Variants in NRG1 observed in about 807,000 individuals in gnomAD.
NRG1 encodes pro-neuregulin-1, membrane-bound isoform.
Under a neutral mutation model 63.8 loss-of-function variants are expected in NRG1, and 18 were observed. The observed-to-expected ratio is 0.28, with a 90% confidence interval of 0.19 to 0.42. The LOEUF (loss-of-function observed/expected upper bound fraction) is 0.42, where lower values mean the gene tolerates loss of function less well. NRG1 is among the 10% of genes least tolerant of loss of function. The pLI is 1.00. For missense variants in NRG1, 762 were observed against 814.7 expected, an observed-to-expected ratio of 0.94 and a Z score of 0.79; for synonymous variants, 302 against 301.3, an observed-to-expected ratio of 1.00 and a Z score of -0.02.
At chr8:32,047,087 T>C (rs946705189) in intron 1 of NRG1, among the ~76,000 whole-genome samples, 4 of 152,028 alleles carry the variant, frequency 2.6e-5, no homozygotes, top group African/African-American at 7.2e-5. Context: ...TCTCAGTGTC[T>C]CACTCACTTT....
intron 1 of NRG1, among the ~76,000 whole-genome samples, chr8:32,289,959 G>A (rs1016679833): frequency 2.6e-5 from 4 of 151,938 alleles, no homozygotes; most frequent in South Asian, 2.1e-4. Flanking sequence ...AAAATATCAG[G>A]GCCAGGCACA....
chr8:32,177,709 T>C (rs1840950953), intron 1 of NRG1, among the ~76,000 whole-genome samples: 1 of 151,954 alleles, frequency 6.6e-6, no homozygotes, highest in African/African-American at 2.4e-5. Context: ...TAAACAAGGC[T>C]TTAGACCTAA....
At chr8:32,333,373 G>A (rs990635092) in intron 1 of NRG1, among the ~76,000 whole-genome samples, 6 of 151,900 alleles carry the variant, frequency 3.9e-5, no homozygotes, top group Non-Finnish European at 5.9e-5. Context: ...ATGCATTCAG[G>A]TATTCTCCTA....
intron 2 of NRG1, 35 bp from the exon 3 acceptor site, chr8:32,605,527 T>G (rs1338566899): frequency 6.2e-7 from 1 of 1,610,786 alleles, no homozygotes; most frequent in East Asian, 2.2e-5. Context: ...ATTTCTGTGA[T>G]ATATACTGAC....
At chr8:32,030,662 G>T (rs771442250) in intron 1 of NRG1, among the ~76,000 whole-genome samples, 4 of 152,008 alleles carry the variant, frequency 2.6e-5, no homozygotes, top group African/African-American at 7.3e-5. Context: ...AATTATTCTT[G>T]TCCCTTTGCC....
intron 1 of NRG1, among the ~76,000 whole-genome samples, chr8:32,428,305 A>G (rs777689960): frequency 6.6e-6 from 1 of 151,870 alleles, no homozygotes; most frequent in Non-Finnish European, 1.5e-5. Context: ...TCACCTCTCC[A>G]TAAAGTCCTA....
At chr8:32,101,538 A>C (rs1489312171) in intron 1 of NRG1, among the ~76,000 whole-genome samples, 2 of 148,982 alleles carry the variant, frequency 1.3e-5, no homozygotes, top group Non-Finnish European at 3.0e-5. Flanking sequence ...AATATGACCT[A>C]GACTGTGTTG....
In NRG1 at chr8:32,468,333, G is replaced by A. The variant is rs896692028; in HGVS notation, c.38-127495G>A. ...AGGTTGACCGAAGTTAGTTCTTTTA[G>A]TTGGTTCTTGAGAAAACCCTTTCAG... On this transcript the variant is annotated intron_variant, in intron 1 of 10. Coordinates refer to the NRG1 transcript ENST00000519301. 3.3e-5 allele frequency among the ~76,000 whole-genome samples: 5 copies of A among 152,142 alleles called. 1 individual carries two copies. Among genetic ancestry groups the A allele is most frequent in the Admixed American group, 2.6e-4 (4 of 15,284 alleles).
intron 1 of NRG1, among the ~76,000 whole-genome samples, chr8:31,931,973 T>G (rs1834903045): frequency 6.6e-6 from 1 of 152,092 alleles, no homozygotes; most frequent in Admixed American, 6.5e-5. Context: ...TTGTGCTGAG[T>G]CAGGGAAGGC....
chr8:32,498,972 C>A (rs1690218012), intron 1 of NRG1, among the ~76,000 whole-genome samples: 1 of 152,182 alleles, frequency 6.6e-6, no homozygotes, highest in Admixed American at 6.5e-5. Context: ...CTCTACCCAG[C>A]TGGAACTGTC....
chr8:32,471,647 T>C (rs140222475), intron 1 of NRG1, among the ~76,000 whole-genome samples: 1,770 of 152,176 alleles, frequency 0.012, 29 homozygotes, highest in African/African-American at 0.041. Context: ...TCCCCCAAGA[T>C]AGAGTCCGTG....
intron 1 of NRG1, among the ~76,000 whole-genome samples, chr8:32,043,288 AT>A (rs1187992604): frequency 6.6e-6 from 1 of 152,130 alleles, no homozygotes; most frequent in East Asian, 1.9e-4. Flanking sequence ...ATCAACCAAC[AT>A]TTTTTAAATG....
intron 1 of NRG1, among the ~76,000 whole-genome samples, chr8:31,660,178 C>T (rs985031145): frequency 2.0e-5 from 3 of 152,166 alleles, no homozygotes; most frequent in South Asian, 2.1e-4. Flanking sequence ...CCCTGCCCTC[C>T]GTAATTCAGT....
chr8:32,107,558 T>G (rs903116793), intron 1 of NRG1, among the ~76,000 whole-genome samples: 1 of 152,214 alleles, frequency 6.6e-6, no homozygotes, highest in Non-Finnish European at 1.5e-5. Context: ...TAATCATTCT[T>G]GATTTTTTTA....
At chr8:31,976,408 G>A (rs564965132) in intron 1 of NRG1, among the ~76,000 whole-genome samples, 73 of 152,118 alleles carry the variant, frequency 4.8e-4, no homozygotes, top group African/African-American at 1.7e-3. Flanking sequence ...TTAACCATAT[G>A]TTCTGACAAG....
intron 5 of NRG1, among the ~76,000 whole-genome samples, chr8:32,650,216 G>T (rs1279222621): frequency 2.6e-5 from 4 of 151,286 alleles, no homozygotes; most frequent in Non-Finnish European, 5.9e-5. Flanking sequence ...TTCCTTATCA[G>T]TTTTTTTTTC....
chr8:31,903,589 T>C (rs1219297054), intron 1 of NRG1, among the ~76,000 whole-genome samples: 1 of 152,182 alleles, frequency 6.6e-6, no homozygotes, highest in East Asian at 1.9e-4. Flanking sequence ...AATTTTTAGA[T>C]AGACAATAAC....
At chr8:32,346,149 T>TTA (rs201292785) in intron 1 of NRG1, among the ~76,000 whole-genome samples, 2 of 146,802 alleles carry the variant, frequency 1.4e-5, no homozygotes, top group South Asian at 2.1e-4. Flanking sequence ...TACCTATAAA[T>TTA]TATATATATA....
chr8:31,713,307 G>A (rs889992403), intron 1 of NRG1, among the ~76,000 whole-genome samples: 7 of 151,454 alleles, frequency 4.6e-5, no homozygotes, highest in Admixed American at 1.3e-4. Flanking sequence ...TAGTGTAGAC[G>A]GGGTTTCACT....
Sources: gnomAD v4.1 joint callset for allele counts (sites outside exome capture counted in the v4.1 genomes callset) on GRCh38, gnomAD v4.1.1 for gene constraint, MANE v1.5 for transcripts, NCBI Gene and HGNC (gene_info 2026-07-23, HGNC 2026-07-21) for gene names.